INPP4B: variants seen among roughly 807,000 people sequenced by gnomAD.
INPP4B encodes inositol polyphosphate-4-phosphatase type II B.
In INPP4B, 55 loss-of-function variants were observed where a neutral mutation model predicts 122.5. The observed-to-expected ratio is 0.45, with a 90% CI of 0.36 to 0.56. INPP4B has a LOEUF of 0.56. INPP4B is among the 20% of genes least tolerant of loss of function. The probability of loss-of-function intolerance (pLI) is 0.00; values close to 1 mark genes in which losing one functional copy is unlikely to be tolerated. For missense variants in INPP4B, 1,000 were observed against 1,097.7 expected, an observed-to-expected ratio of 0.91 and a Z score of 1.26; for synonymous variants, 403 against 388.7, an observed-to-expected ratio of 1.04 and a Z score of -0.43.
intron 1 of INPP4B, chr4:142,795,454 T>G (rs1777106973): frequency 6.6e-6 from 1 of 151,942 alleles, no homozygotes; most frequent in Non-Finnish European, 1.5e-5. Context: ...TATTTTATAG[T>G]TTTTTGTTGT....
chr4:142,209,844 T>C (rs1844169591), intron 12 of INPP4B, among the ~76,000 whole-genome samples: 1 of 149,834 alleles, frequency 6.7e-6, no homozygotes, highest in Admixed American at 6.7e-5. Context: ...AATGGTATTG[T>C]CACGTATGGT....
chr4:142,089,299 T>C (rs1359732460), intron 23 of INPP4B, among the ~76,000 whole-genome samples: 1 of 152,096 alleles, frequency 6.6e-6, no homozygotes, highest in African/African-American at 2.4e-5. Flanking sequence ...TTGAAAGCAA[T>C]ACAGAATAAG....
chr4:142,539,558 T>G (rs1469110838), intron 2 of INPP4B, among the ~76,000 whole-genome samples: 1 of 151,984 alleles, frequency 6.6e-6, no homozygotes, highest in Non-Finnish European at 1.5e-5. Context: ...GTTTATTATT[T>G]CTTATACTGA....
intron 3 of INPP4B, among the ~76,000 whole-genome samples, chr4:142,436,010 C>T (rs999136130): frequency 3.9e-5 from 6 of 152,154 alleles, no homozygotes; most frequent in East Asian, 3.9e-4. Flanking sequence ...ACACTAAGCT[C>T]CCAGTGGGGA....
intron 21 of INPP4B, among the ~76,000 whole-genome samples, chr4:142,117,753 C>A (rs1794410572): frequency 6.6e-6 from 1 of 152,088 alleles, no homozygotes; most frequent in Admixed American, 6.6e-5. Context: ...CCCTCTCTCA[C>A]CACTCCTATT....
intron 1 of INPP4B, among the ~76,000 whole-genome samples, chr4:142,749,851 CAG>C (rs1027978274): frequency 7.1e-6 from 1 of 140,472 alleles, no homozygotes; most frequent in African/African-American, 2.7e-5. Context: ...TACAAGAGAA[CAG>C]ATAGTCAAGA....
intron 1 of INPP4B, among the ~76,000 whole-genome samples, chr4:142,758,165 G>A (rs1770774482): frequency 6.6e-6 from 1 of 152,090 alleles, no homozygotes; most frequent in Non-Finnish European, 1.5e-5. Flanking sequence ...AACCATAAAA[G>A]TGAAGAATCT....
chr4:142,650,725 T>C (rs1383132347), intron 2 of INPP4B, among the ~76,000 whole-genome samples: 1 of 151,062 alleles, frequency 6.6e-6, no homozygotes, highest in Non-Finnish European at 1.5e-5. Context: ...ATAAAGCAAG[T>C]CCTTAGAGAT....
chr4:142,562,702 A>G (rs572563171), intron 2 of INPP4B, among the ~76,000 whole-genome samples: 1 of 152,182 alleles, frequency 6.6e-6, no homozygotes, highest in East Asian at 1.9e-4. Flanking sequence ...TTTAGAATCT[A>G]TAAGAAAAAA....
chr4:142,329,397 A>AG (rs34523981), intron 7 of INPP4B, among the ~76,000 whole-genome samples: 74,992 of 152,022 alleles, frequency 0.49, 18,593 homozygotes, highest in Non-Finnish European at 0.52. Context: ...AAGAAGTGAA[A>AG]GTTGGGTGGA....
rs1172267855 is a variant in INPP4B, at chr4:142,026,326, T to G, written c.*2456A>C. On this transcript the variant is annotated 3_prime_UTR_variant, in exon 26 of 26. Coordinates refer to ENST00000262992, the MANE Select transcript of INPP4B (RefSeq NM_001101669.3). ...ATATTGTTGTCTCTATGAAACACAT[T>G]TTCTTGATGAAATCCACTTTTAGAA... The G allele has an allele frequency of 6.6e-6, 1 of 152,196 alleles. No homozygotes were observed. Among genetic ancestry groups the G allele is most frequent in the African/African-American group, 2.4e-5 (1 of 41,472 alleles). The allele number at this position is 152,196 out of a possible 1,614,324, so 9.4% of individuals were successfully genotyped here. A position where few individuals can be genotyped will look rare whatever the true frequency, so the allele number is the denominator to read the frequency against.
chr4:142,494,955 G>A (rs982645171), intron 2 of INPP4B, among the ~76,000 whole-genome samples: 12 of 152,108 alleles, frequency 7.9e-5, no homozygotes, highest in Non-Finnish European at 1.8e-4. Flanking sequence ...TGCAATGTCT[G>A]TTGCCCAACA....
intron 10 of INPP4B, among the ~76,000 whole-genome samples, chr4:142,264,706 G>A (rs1741925750): frequency 6.6e-6 from 1 of 152,150 alleles, no homozygotes; most frequent in Non-Finnish European, 1.5e-5. Flanking sequence ...TGGAATTTAA[G>A]ACTCAAGATT....
At chr4:142,416,109 T>A (rs1296658136) in intron 5 of INPP4B, among the ~76,000 whole-genome samples, 1 of 152,070 alleles carries the variant, frequency 6.6e-6, no homozygotes. Context: ...CATATGTAAC[T>A]AACCTGCACG....
At chr4:142,164,077 G>A (rs1821489029) in intron 16 of INPP4B, among the ~76,000 whole-genome samples, 1 of 151,626 alleles carries the variant, frequency 6.6e-6, no homozygotes, top group African/African-American at 2.4e-5. Flanking sequence ...AAAACGAAAT[G>A]TTTTCTAGCC....
chr4:142,763,852 G>A (rs1676260544), intron 1 of INPP4B, among the ~76,000 whole-genome samples: 1 of 151,916 alleles, frequency 6.6e-6, no homozygotes, highest in South Asian at 2.1e-4. Context: ...CAGCAAAGAA[G>A]CAATGTCAAT....
intron 2 of INPP4B, among the ~76,000 whole-genome samples, chr4:142,532,257 C>G (rs958453254): frequency 2.0e-5 from 3 of 152,168 alleles, no homozygotes; most frequent in African/African-American, 4.8e-5. Flanking sequence ...ACTTCAGCAG[C>G]AGCACCCCCT....
chr4:142,774,392 G>T (rs1470857783), intron 1 of INPP4B, among the ~76,000 whole-genome samples: 1 of 152,078 alleles, frequency 6.6e-6, no homozygotes, highest in East Asian at 1.9e-4. Flanking sequence ...CCAAAGGCAG[G>T]TGAGTTATAT....
chr4:142,402,898 T>C (rs372969186), intron 7 of INPP4B, 40 bp downstream of exon 7: 30 of 1,038,248 alleles, frequency 2.9e-5, no homozygotes, highest in Non-Finnish European at 4.4e-5. Flanking sequence ...TGGAAAAGCA[T>C]AACTTTTTCC....
Sources: allele counts gnomAD v4.1 joint callset (sites outside exome capture counted in the v4.1 genomes callset), GRCh38; gene constraint gnomAD v4.1.1; transcripts MANE v1.5; gene names NCBI Gene and HGNC (gene_info 2026-07-23, HGNC 2026-07-21).